Variants in MSN observed in about 807,000 individuals in gnomAD.
The protein encoded by MSN is moesin, also known as epididymis luminal protein 70.
MSN carries 2 observed loss-of-function variants against 48.0 expected under a neutral mutation model. That is an observed-to-expected ratio of 0.04 (90% CI 0.02 to 0.13). The LOEUF (loss-of-function observed/expected upper bound fraction) is 0.13, where lower values mean the gene tolerates loss of function less well. Among genes scored for constraint, MSN ranks in the 10% least tolerant of loss-of-function variants. The pLI, the probability that MSN is intolerant of heterozygous loss-of-function variation, is 1.00. For synonymous variants in MSN, 146 were observed against 166.9 expected (o/e 0.87, Z 0.97); for missense variants, 267 against 470.1 (o/e 0.57, Z 3.99).
At chrX:65,590,276 C>T in intron 1 of MSN, among the ~76,000 whole-genome samples, 1 of 111,374 alleles carries the variant, frequency 9.0e-6, no homozygotes, top group Admixed American at 9.5e-5. Context: ...TTGCTGCTGG[C>T]TCAAGCTAAG....
intron 1 of MSN, among the ~76,000 whole-genome samples, chrX:65,645,767 A>G (rs1432335837): frequency 9.0e-6 from 1 of 111,468 alleles, no homozygotes; most frequent in Non-Finnish European, 1.9e-5. Flanking sequence ...TTGATGGTTC[A>G]TGGGTACCTC....
chrX:65,704,641 C>G (rs1318261418), intron 1 of MSN, among the ~76,000 whole-genome samples: 1 of 107,021 alleles, frequency 9.3e-6, no homozygotes, highest in Non-Finnish European at 1.9e-5. Context: ...TTCACGGAAA[C>G]AAATTGATCC....
intron 1 of MSN, among the ~76,000 whole-genome samples, chrX:65,651,331 A>G (rs1397463055): frequency 9.3e-6 from 1 of 107,050 alleles, no homozygotes; most frequent in Non-Finnish European, 1.9e-5. Flanking sequence ...AAAAAAAAAA[A>G]GAAAGAAAGA....
At chrX:65,707,005 T>C (rs2071368438) in intron 1 of MSN, among the ~76,000 whole-genome samples, 1 of 111,604 alleles carries the variant, frequency 9.0e-6, no homozygotes, top group African/African-American at 3.3e-5. Flanking sequence ...TTCAGTGACA[T>C]GGGGTAGGTG....
At chrX:65,639,469 A>G in intron 1 of MSN, among the ~76,000 whole-genome samples, 1 of 112,291 alleles carries the variant, frequency 8.9e-6, no homozygotes, top group South Asian at 3.7e-4. Flanking sequence ...CTAAGGTTGC[A>G]GGGTAAATAA....
At chrX:65,638,970 G>T (rs1415789266) in intron 1 of MSN, among the ~76,000 whole-genome samples, 2 of 112,220 alleles carry the variant, frequency 1.8e-5, no homozygotes, top group African/African-American at 6.5e-5. Flanking sequence ...GATACTCACT[G>T]CAAGGTGTTA....
At chrX:65,652,036 A>G (rs1602752841) in intron 1 of MSN, among the ~76,000 whole-genome samples, 1 of 108,343 alleles carries the variant, frequency 9.2e-6, no homozygotes, top group East Asian at 3.0e-4. Flanking sequence ...GGATCACTTG[A>G]GGCCAGAAGT....
chrX:65,616,343 G>C (rs1301567543), intron 1 of MSN, among the ~76,000 whole-genome samples: 1 of 96,757 alleles, frequency 1.0e-5, no homozygotes, highest in African/African-American at 3.7e-5. Flanking sequence ...CATGAGCATG[G>C]AATGTTCTTC....
At chrX:65,711,349 C>T (rs948110381) in intron 1 of MSN, among the ~76,000 whole-genome samples, 1 of 110,820 alleles carries the variant, frequency 9.0e-6, no homozygotes, top group African/African-American at 3.3e-5. Context: ...CGTGAGCCAC[C>T]GCGCCTGGCC....
intron 7 of MSN, among the ~76,000 whole-genome samples, chrX:65,733,693 CTT>C (rs2071646302): frequency 8.9e-6 from 1 of 111,962 alleles, no homozygotes. Flanking sequence ...CTCTCTCTCT[CTT>C]TCTTTTTTTT....
intron 2 of MSN, among the ~76,000 whole-genome samples, chrX:65,722,316 T>C (rs1391330527): frequency 9.0e-6 from 1 of 110,840 alleles, no homozygotes; most frequent in African/African-American, 3.3e-5. Context: ...TGTTTGGGCA[T>C]TGATGCAGTT....
intron 1 of MSN, among the ~76,000 whole-genome samples, chrX:65,714,311 A>G (rs1193383531): frequency 9.0e-6 from 1 of 111,693 alleles, no homozygotes; most frequent in East Asian, 2.8e-4. Flanking sequence ...AGAATGATTT[A>G]TATTCCTTTG....
chrX:65,636,768 AAAAAAACC>A (rs2070604498), intron 1 of MSN, among the ~76,000 whole-genome samples: 1 of 101,236 alleles, frequency 9.9e-6, no homozygotes, highest in African/African-American at 3.7e-5. Context: ...AAAAAAAAAA[AAAAAAACC>A]AGAAAGAAAG....
Position 65,672,545 on chromosome X carries a change from A to G in MSN, c.12+4692A>G, listed in dbSNP as rs190565430. ...TTCCAGGTTCTAATCTGTGGTATAG[A>G]AGTTGTCACTTTGGAGGATTAGCTC... On this transcript the variant is annotated intron_variant, in intron 1 of 12. Transcript: ENST00000360270. 2.2e-3 allele frequency among the ~76,000 whole-genome samples: 248 copies of G among 111,851 alleles called. 1 individual carries two copies. Among genetic ancestry groups the G allele is most frequent in the African/African-American group, 7.5e-3 (231 of 30,782 alleles).
At chrX:65,703,708 G>A (rs1259440199) in intron 1 of MSN, among the ~76,000 whole-genome samples, 1 of 111,713 alleles carries the variant, frequency 9.0e-6, no homozygotes, top group Non-Finnish European at 1.9e-5. Context: ...ATTAGTAGCT[G>A]GGACTACAGG....
intron 1 of MSN, among the ~76,000 whole-genome samples, chrX:65,606,047 A>T (rs2070276213): frequency 9.1e-6 from 1 of 110,293 alleles, no homozygotes; most frequent in South Asian, 3.9e-4. Context: ...GGCTCAAGCG[A>T]TCCTTCTACC....
At chrX:65,735,216 T>C in intron 7 of MSN, 51 bp from the exon 8 acceptor site, 1 of 1,178,238 alleles carries the variant, frequency 8.5e-7, no homozygotes. Flanking sequence ...AGGCAGAAGA[T>C]CACCTTCACC....
intron 1 of MSN, among the ~76,000 whole-genome samples, chrX:65,637,124 C>T (rs763245364): frequency 3.3e-4 from 36 of 107,545 alleles, no homozygotes; most frequent in Non-Finnish European, 6.1e-4. Flanking sequence ...AATATTAGGC[C>T]GGGCGTGGTG....
chrX:65,613,337 T>A (rs1352621211), intron 1 of MSN, among the ~76,000 whole-genome samples: 1 of 115,008 alleles, frequency 8.7e-6, no homozygotes, highest in East Asian at 2.7e-4. Flanking sequence ...AATAAACATA[T>A]GTGTGCATGT....
Sources: gnomAD v4.1 joint callset for allele counts (sites outside exome capture counted in the v4.1 genomes callset) on GRCh38, gnomAD v4.1.1 for gene constraint, MANE v1.5 for transcripts, NCBI Gene and HGNC (gene_info 2026-07-23, HGNC 2026-07-21) for gene names.